RAP1GAP2: variants seen among roughly 807,000 people sequenced by gnomAD.
The protein encoded by RAP1GAP2 is rap1 GTPase-activating protein 2.
RAP1GAP2 carries 27 observed loss-of-function variants against 95.0 expected under a neutral mutation model. The observed-to-expected ratio is 0.28, with a 90% CI of 0.21 to 0.39. The LOEUF is 0.39. Among genes scored for constraint, RAP1GAP2 ranks in the 10% least tolerant of loss-of-function variants. RAP1GAP2 has a pLI of 1.00. For missense variants in RAP1GAP2, 771 were observed against 970.0 expected (o/e 0.79, Z 2.72); for synonymous variants, 373 against 380.9 (o/e 0.98, Z 0.24).
intron 8 of RAP1GAP2, among the ~76,000 whole-genome samples, chr17:2,976,493 ATATT>A (rs1340075254): frequency 6.6e-6 from 1 of 152,202 alleles, no homozygotes; most frequent in East Asian, 1.9e-4. Flanking sequence ...AACTGACAAA[ATATT>A]TAGAACTAAA....
chr17:2,909,208 G>A (rs2042291844), intron 3 of RAP1GAP2, among the ~76,000 whole-genome samples: 1 of 152,180 alleles, frequency 6.6e-6, no homozygotes, highest in South Asian at 2.1e-4. Flanking sequence ...CTGCAGAGGA[G>A]GCTGGGCCCG....
intron 2 of RAP1GAP2, among the ~76,000 whole-genome samples, chr17:2,814,703 T>C (rs1389341139): frequency 1.3e-5 from 2 of 152,078 alleles, no homozygotes; most frequent in Non-Finnish European, 2.9e-5. Context: ...GGTTGAGCTG[T>C]GAACCAGTAG....
chr17:2,975,780 G>A (rs1371895550), intron 8 of RAP1GAP2, among the ~76,000 whole-genome samples: 2 of 152,266 alleles, frequency 1.3e-5, no homozygotes, highest in African/African-American at 4.8e-5. Flanking sequence ...GGGTGGGTAA[G>A]TTGGGCTGAT....
At chr17:2,786,192 C>T (rs374024507) in intron 1 of RAP1GAP2, among the ~76,000 whole-genome samples, 3 of 152,106 alleles carry the variant, frequency 2.0e-5, no homozygotes, top group Non-Finnish European at 2.9e-5. Context: ...TGAGCCACCG[C>T]GCCCAGCCTG....
chr17:2,766,528 T>C (rs2068279548), intron 1 of RAP1GAP2, among the ~76,000 whole-genome samples: 1 of 151,926 alleles, frequency 6.6e-6, no homozygotes, highest in Admixed American at 6.6e-5. Flanking sequence ...GAGAATTGCT[T>C]GAACCCAGGA....
chr17:2,961,697 C>T (rs2044333822), intron 4 of RAP1GAP2, among the ~76,000 whole-genome samples: 1 of 152,124 alleles, frequency 6.6e-6, no homozygotes, highest in Admixed American at 6.5e-5. Flanking sequence ...TTACAGATGA[C>T]ACTGGGGGCT....
At chr17:2,836,837 A>C (rs2071151328) in intron 2 of RAP1GAP2, among the ~76,000 whole-genome samples, 1 of 152,170 alleles carries the variant, frequency 6.6e-6, no homozygotes, top group African/African-American at 2.4e-5. Context: ...TGAAAATCTC[A>C]GTAGGTATGA....
At chr17:2,907,189 A>C (rs955254078) in intron 3 of RAP1GAP2, among the ~76,000 whole-genome samples, 2 of 152,220 alleles carry the variant, frequency 1.3e-5, no homozygotes, top group African/African-American at 4.8e-5. Flanking sequence ...CGGCACCAGA[A>C]AGATGAAAGG....
At chr17:2,783,173 C>T (rs754466964) in intron 1 of RAP1GAP2, among the ~76,000 whole-genome samples, 7 of 152,198 alleles carry the variant, frequency 4.6e-5, no homozygotes, top group Non-Finnish European at 1.0e-4. Flanking sequence ...GTTCCCTCCG[C>T]TCTTCACAAA....
Position 2,921,751 on chromosome 17 carries a change from G to A in RAP1GAP2, c.165+16383G>A, listed in dbSNP as rs573957792. On this transcript the variant is annotated intron_variant, in intron 3 of 24. Transcript: ENST00000254695. ...AAGGTGTCAGCAGGACCGTTAAGGT[G>A]TCCTTAAGGTGTCCGCAGGGCCATG... Among the ~76,000 whole-genome samples, 279 of 152,128 alleles carry A rather than the reference G, an allele frequency of 1.8e-3. 2 individuals carry two copies. Among genetic ancestry groups the A allele is most frequent in the African/African-American group, 6.4e-3 (265 of 41,494 alleles).
chr17:2,771,062 AAACAAACAACAAAC>A (rs1228357233), intron 2 of RAP1GAP2, among the ~76,000 whole-genome samples: 1 of 152,090 alleles, frequency 6.6e-6, no homozygotes, highest in Non-Finnish European at 1.5e-5. Flanking sequence ...ACAAACAAAC[AAACAAACAACAAAC>A]AACATAAAAC....
chr17:2,953,198 A>C (rs1262111905), intron 3 of RAP1GAP2, among the ~76,000 whole-genome samples: 1 of 151,214 alleles, frequency 6.6e-6, no homozygotes, highest in East Asian at 1.9e-4. Flanking sequence ...CATTATATAC[A>C]GTATCTTTTT....
intron 17 of RAP1GAP2, 81 bp from the exon 18 acceptor site, chr17:3,017,980 T>C: frequency 7.0e-7 from 1 of 1,438,144 alleles, no homozygotes; most frequent in Non-Finnish European, 9.3e-7. Flanking sequence ...CTGAGGGCTG[T>C]GTCTACAGAC....
chr17:2,897,081 A>G (rs970620664), intron 2 of RAP1GAP2, among the ~76,000 whole-genome samples: 1 of 152,188 alleles, frequency 6.6e-6, no homozygotes, highest in African/African-American at 2.4e-5. Context: ...TCACGCCTAT[A>G]ATCCCAGCGC....
At chr17:3,028,961 G>A (rs561114566) in intron 22 of RAP1GAP2, among the ~76,000 whole-genome samples, 129 of 152,088 alleles carry the variant, frequency 8.5e-4, no homozygotes, top group African/African-American at 2.8e-3. Context: ...CCACATGCCC[G>A]GCTAATTTTT....
At chr17:2,789,497 A>G (rs913461524) in intron 1 of RAP1GAP2, among the ~76,000 whole-genome samples, 13 of 151,976 alleles carry the variant, frequency 8.6e-5, no homozygotes, top group Non-Finnish European at 2.9e-5. Flanking sequence ...CTGAACAGAT[A>G]AGAATAAACT....
intron 2 of RAP1GAP2, among the ~76,000 whole-genome samples, chr17:2,834,931 A>T (rs9893414): frequency 0.027 from 4,133 of 152,020 alleles, 192 homozygotes; most frequent in African/African-American, 0.094. Context: ...TATTATTATT[A>T]TTTTTTGAGA....
chr17:2,873,251 G>A lies in RAP1GAP2; in HGVS notation c.81-32033G>A, dbSNP rs997190284. ...GAGGTGGGCAGATTGCTTGAGCTCA[G>A]GAGTTCGAGACCAGCCTGGGCAACA... On this transcript the variant is annotated intron_variant, in intron 2 of 24. Transcript: ENST00000254695. 2.0e-5 allele frequency among the ~76,000 whole-genome samples: 3 copies of A among 148,600 alleles called. No homozygotes were observed. The Admixed American group carries it at 2.0e-4, about 10-fold the overall frequency.
intron 2 of RAP1GAP2, among the ~76,000 whole-genome samples, chr17:2,894,870 C>G (rs2073835608): frequency 6.6e-6 from 1 of 152,186 alleles, no homozygotes; most frequent in African/African-American, 2.4e-5. Context: ...CGGTCTTCCC[C>G]TGGCCCCTCC....
Sources: allele counts gnomAD v4.1 joint callset (sites outside exome capture counted in the v4.1 genomes callset), GRCh38; gene constraint gnomAD v4.1.1; transcripts MANE v1.5; gene names NCBI Gene and HGNC (gene_info 2026-07-23, HGNC 2026-07-21).